The following TMOD2 variants were observed in gnomAD, a reference collection of about 807,000 sequenced individuals.
TMOD2 encodes the protein tropomodulin-2.
A neutral mutation model predicts 39.9 loss-of-function variants in TMOD2; 22 were observed. That is an observed-to-expected ratio of 0.55 (90% CI 0.39 to 0.79). TMOD2 has a LOEUF of 0.79. TMOD2 is among the 30% of genes least tolerant of loss of function. The pLI, the probability that TMOD2 is intolerant of heterozygous loss-of-function variation, is 0.00. For synonymous variants in TMOD2, 123 were observed against 146.1 expected (o/e 0.84, Z 1.14); for missense variants, 386 against 413.3 (o/e 0.93, Z 0.57).
At chr15:51,785,532 G>A (rs36097346) in intron 7 of TMOD2, among the ~76,000 whole-genome samples, 5,364 of 151,990 alleles carry the variant, frequency 0.035, 189 homozygotes, top group Admixed American at 0.078. Context: ...ACCATGGATG[G>A]GACTGGAGGT....
At chr15:51,783,491 A>T (rs12899386) in intron 7 of TMOD2, 2 of 145,306 alleles carry the variant, frequency 1.4e-5, no homozygotes, top group Admixed American at 1.4e-4. Context: ...AAAAAAAAAA[A>T]GAAAAATTAA....
chr15:51,803,305 T>C (rs6493522), intron 8 of TMOD2, among the ~76,000 whole-genome samples: 67,888 of 151,328 alleles, frequency 0.45, 15,462 homozygotes, highest in Admixed American at 0.53. Context: ...CTCAGCCTCC[T>C]GAGCAGCTGG....
chr15:51,778,132 A>G (rs1185471810), intron 5 of TMOD2, among the ~76,000 whole-genome samples: 1 of 151,786 alleles, frequency 6.6e-6, no homozygotes, highest in Non-Finnish European at 1.5e-5. Flanking sequence ...TGTGGCACAT[A>G]TACACCATGG....
At chr15:51,789,045 G>C (rs2055990671) in intron 7 of TMOD2, among the ~76,000 whole-genome samples, 1 of 152,278 alleles carries the variant, frequency 6.6e-6, no homozygotes, top group South Asian at 2.1e-4. Flanking sequence ...AAATGCCCCA[G>C]TTAAAAGACA....
chr15:51,760,521 T>C (rs956594594), intron 1 of TMOD2, among the ~76,000 whole-genome samples: 2 of 152,168 alleles, frequency 1.3e-5, no homozygotes, highest in African/African-American at 4.8e-5. Context: ...ATCCTTAATC[T>C]GGGCTGGGCG....
chr15:51,776,479 T>TTA (rs1337619881), intron 4 of TMOD2, among the ~76,000 whole-genome samples: 1 of 152,164 alleles, frequency 6.6e-6, no homozygotes, highest in Non-Finnish European at 1.5e-5. Flanking sequence ...CTAGAGACAA[T>TTA]TATATTTGGT....
chr15:51,794,198 A>G (rs1285739571), intron 7 of TMOD2, among the ~76,000 whole-genome samples: 2 of 152,148 alleles, frequency 1.3e-5, no homozygotes, highest in East Asian at 1.9e-4. Context: ...ATATCCTTCA[A>G]TACACAGGAC....
rs112265395 is a variant in TMOD2, at chr15:51,810,750, CTT to C, written c.*2312_*2313del. ...CTGCCTCTCCAAGTAAGCCTTTTTC[CTT>C]TTTTTTTTTTTTTTTCTTACTCTCA... On this transcript the variant is annotated 3_prime_UTR_variant, in exon 10 of 10. Coordinates refer to ENST00000249700, the MANE Select transcript of TMOD2 (RefSeq NM_014548.4). The C allele has an allele frequency of 2.2e-4, 30 of 139,270 alleles. No homozygotes were observed. The highest frequency in any genetic ancestry group is 1.8e-3 in the East Asian group (9 of 4,874). 8.6% of individuals were successfully genotyped at this position (139,270 alleles called of 1,614,324 possible).
chr15:51,763,105 T>A (rs977186211), intron 1 of TMOD2, among the ~76,000 whole-genome samples: 40 of 135,426 alleles, frequency 3.0e-4, no homozygotes, highest in African/African-American at 6.4e-4. Flanking sequence ...CAGCTAATTT[T>A]TAAAAAAAAA....
chr15:51,803,977 C>T (rs1345374934), intron 8 of TMOD2, among the ~76,000 whole-genome samples: 1 of 152,220 alleles, frequency 6.6e-6, no homozygotes, highest in Non-Finnish European at 1.5e-5. Flanking sequence ...TCTTATTTGG[C>T]TAGGGTAGGG....
At position 51,809,967 on chromosome 15, in the gene TMOD2, C is replaced by T. The variant is rs1247107695; in HGVS notation, c.*1513C>T. 2 of 151,996 alleles carry T rather than the reference C, an allele frequency of 1.3e-5. No individual in the cohort carries two copies. Among genetic ancestry groups the T allele is most frequent in the African/African-American group, 4.8e-5 (2 of 41,360 alleles). The allele number at this position is 151,996 out of a possible 1,614,324, so 9.4% of individuals were successfully genotyped here. A position where few individuals can be genotyped will look rare whatever the true frequency, so the allele number is the denominator to read the frequency against. On this transcript the variant is annotated 3_prime_UTR_variant, in exon 10 of 10. Coordinates refer to ENST00000249700, the MANE Select transcript of TMOD2 (RefSeq NM_014548.4). ...GAACATTTACCTGTATTGTAAGTAC[C>T]CACATCTGTGTCTCTGAAGTCCTTT...
intron 3 of TMOD2, among the ~76,000 whole-genome samples, chr15:51,772,940 T>C (rs1017411315): frequency 6.6e-6 from 1 of 152,154 alleles, no homozygotes; most frequent in Non-Finnish European, 1.5e-5. Context: ...TCCAAATATT[T>C]AAAAGCTAAC....
chr15:51,759,446 G>A (rs1245122896), intron 1 of TMOD2, among the ~76,000 whole-genome samples: 1 of 152,186 alleles, frequency 6.6e-6, no homozygotes, highest in Non-Finnish European at 1.5e-5. Context: ...TTCCTCCAGA[G>A]AGAATATGTA....
chr15:51,787,049 G>A (rs1242230564), intron 7 of TMOD2, among the ~76,000 whole-genome samples: 2 of 152,224 alleles, frequency 1.3e-5, no homozygotes, highest in Non-Finnish European at 2.9e-5. Flanking sequence ...AAGGGGTTGG[G>A]GTTGGGGGAT....
rs183855582 is a variant in TMOD2 at position 51,780,269 on chromosome 15, C to T, written c.494-775C>T. ...CAAAACATTTGCATCAGATCACATT[C>T]CCACTTATAGAGGAGTACGAAGATG... On this transcript the variant is annotated intron_variant, in intron 5 of 9. Coordinates refer to ENST00000249700, the MANE Select transcript of TMOD2 (RefSeq NM_014548.4). Among the ~76,000 whole-genome samples, 409 of 152,314 alleles carry T rather than the reference C, an allele frequency of 2.7e-3. 5 individuals carry two copies. Among genetic ancestry groups the T allele is most frequent in the Non-Finnish European group, 2.7e-3 (183 of 68,020 alleles).
chr15:51,787,016 G>A (rs1267932587), intron 7 of TMOD2, among the ~76,000 whole-genome samples: 1 of 152,220 alleles, frequency 6.6e-6, no homozygotes, highest in Non-Finnish European at 1.5e-5. Context: ...GCTGAAGCAG[G>A]GCGGGGCATC....
At chr15:51,760,304 C>T (rs1458483576) in intron 1 of TMOD2, among the ~76,000 whole-genome samples, 2 of 152,230 alleles carry the variant, frequency 1.3e-5, no homozygotes, top group African/African-American at 4.8e-5. Flanking sequence ...GTATTCCTTT[C>T]TGAAGGCCCT....
intron 1 of TMOD2, among the ~76,000 whole-genome samples, chr15:51,765,364 T>C (rs1405703796): frequency 6.6e-6 from 1 of 152,234 alleles, no homozygotes; most frequent in African/African-American, 2.4e-5. Flanking sequence ...TATTGCTATT[T>C]GTGTGCCTGT....
chr15:51,776,936 C>A lies in TMOD2; in HGVS notation c.411C>A (p.Val137=), dbSNP rs1005648261. 4.3e-6 allele frequency: 7 copies of A among 1,613,566 alleles called. No homozygotes were observed. The highest frequency in any genetic ancestry group is 5.9e-6 in the Non-Finnish European group (7 of 1,179,604). Residue 137 remains valine (V), a synonymous_variant, in exon 5 of 10, where the codon GTC becomes GTA. Transcript: ENST00000249700. ...TCATTTGTTGACTGTTTTTAGCTGT[C>A]CTTGGAGTACACAATTTGCTCAACA... is the stretch of plus-strand genomic sequence containing the variant. The part of the protein sequence containing the change: ...SDTELYDLAA[V]LGVHNLLNNP...
Sources: allele counts gnomAD v4.1 joint callset (sites outside exome capture counted in the v4.1 genomes callset), GRCh38; gene constraint gnomAD v4.1.1; transcripts MANE v1.5; gene names NCBI Gene and HGNC (gene_info 2026-07-23, HGNC 2026-07-21).